PRR11: variants seen among roughly 807,000 people sequenced by gnomAD.
PRR11 encodes proline-rich protein 11.
In PRR11, 30 loss-of-function variants were observed where a neutral mutation model predicts 45.6. The ratio of observed to expected loss-of-function variants is 0.66; its 90% CI spans 0.49 to 0.89. The LOEUF is 0.89. Among genes scored for constraint, PRR11 ranks in the 40% least tolerant of loss-of-function variants. The pLI is 0.00. For synonymous variants in PRR11, 128 were observed against 153.5 expected (o/e 0.83, Z 1.23); for missense variants, 373 against 424.8 (o/e 0.88, Z 1.07).
chr17:59,180,288 G>A lies in PRR11; in HGVS notation c.129-4766G>A, dbSNP rs186619728. Among the ~76,000 whole-genome samples the A allele has an allele frequency of 2.0e-4, 30 of 149,066 alleles. No homozygotes were observed. The East Asian group carries it at 5.0e-3, about 25-fold the overall frequency. On this transcript the variant is annotated intron_variant, in intron 2 of 9. Transcript: ENST00000262293. Reference sequence around the variant, plus strand: ...TGGGATTACAGGTGCCCGTAATAACGCCCAGCTCATTTTTGTTCTTTTAGT... The same window carrying A: ...TGGGATTACAGGTGCCCGTAATAACACCCAGCTCATTTTTGTTCTTTTAGT...
At chr17:59,163,205 C>G (rs1012434219) in intron 1 of PRR11, among the ~76,000 whole-genome samples, 1 of 152,128 alleles carries the variant, frequency 6.6e-6, no homozygotes, top group Admixed American at 6.5e-5. Flanking sequence ...ATTCTCCTGC[C>G]TCAGCCTCCC....
chr17:59,206,054 A>C lies in PRR11; in HGVS notation c.*4423A>C, dbSNP rs2046916858. Reference sequence around the variant, plus strand: ...CAACAGAGTGAGACCTTGTCTCAAAAAAAAAAGAAAGAAAAAGAAAAATGC... The same window carrying C: ...CAACAGAGTGAGACCTTGTCTCAAACAAAAAAGAAAGAAAAAGAAAAATGC... On this transcript the variant is annotated 3_prime_UTR_variant, in exon 10 of 10. Transcript: ENST00000262293. Among the ~76,000 whole-genome samples, 3 of 151,986 alleles carry C rather than the reference A, an allele frequency of 2.0e-5. No individual in the cohort carries two copies. The highest frequency in any genetic ancestry group is 7.3e-5 in the African/African-American group (3 of 41,364).
At chr17:59,184,785 T>A (rs901037156) in intron 2 of PRR11, among the ~76,000 whole-genome samples, 7 of 151,944 alleles carry the variant, frequency 4.6e-5, no homozygotes, top group African/African-American at 1.7e-4. Flanking sequence ...AGCTCTGATT[T>A]AACCCATCTT....
chr17:59,175,469 T>G (rs1460764270), intron 2 of PRR11, among the ~76,000 whole-genome samples: 10 of 151,936 alleles, frequency 6.6e-5, no homozygotes, highest in Admixed American at 1.3e-4. Context: ...CTATAAAAAA[T>G]GTAAAAGACA....
chr17:59,195,000 C>G (rs1402108118), intron 6 of PRR11, 145 bp downstream of exon 6: 2 of 652,186 alleles, frequency 3.1e-6, no homozygotes, highest in Non-Finnish European at 5.3e-6. Context: ...ATGGCAAGAC[C>G]TCATCTCAAT....
At chr17:59,167,375 A>C (rs2046685150) in intron 1 of PRR11, among the ~76,000 whole-genome samples, 1 of 152,138 alleles carries the variant, frequency 6.6e-6, no homozygotes. Context: ...TAGTCATCCT[A>C]CAGTGCCATA....
At chr17:59,156,922 C>T (rs1599687019) in intron 1 of PRR11, among the ~76,000 whole-genome samples, 4 of 152,294 alleles carry the variant, frequency 2.6e-5, no homozygotes, top group Admixed American at 1.3e-4. Context: ...CCACCACGCT[C>T]GGCCGCAAAG....
intron 2 of PRR11, chr17:59,174,874 C>T (rs1186133348): frequency 8.3e-7 from 1 of 1,201,534 alleles, no homozygotes; most frequent in Non-Finnish European, 1.2e-6. Flanking sequence ...ATGGGGACTC[C>T]CCAGGATACC....
Position 59,204,389 on chromosome 17 carries a change from C to T in PRR11, c.*2758C>T, listed in dbSNP as rs915223732. ...CCATCCTGGGCAACAGAGCCAGACC[C>T]TGCCTCAAAAAAAAAAAAAAAAAAA... On this transcript the variant is annotated 3_prime_UTR_variant, in exon 10 of 10. Coordinates refer to ENST00000262293, the MANE Select transcript of PRR11 (RefSeq NM_018304.4). 1 of 123,314 alleles carries T rather than the reference C, an allele frequency of 8.1e-6. No individual in the cohort carries two copies. The highest frequency in any genetic ancestry group is 3.4e-5 in the African/African-American group (1 of 29,576). 7.6% of individuals were successfully genotyped at this position (123,314 alleles called of 1,614,324 possible).
At chr17:59,173,755 T>G (rs2046725906) in intron 2 of PRR11, among the ~76,000 whole-genome samples, 1 of 152,168 alleles carries the variant, frequency 6.6e-6, no homozygotes, top group South Asian at 2.1e-4. Flanking sequence ...CCCCCCTGGT[T>G]CTGGGAGGAC....
intron 2 of PRR11, among the ~76,000 whole-genome samples, chr17:59,170,735 T>TA (rs1425188252): frequency 6.6e-6 from 1 of 152,062 alleles, no homozygotes; most frequent in East Asian, 1.9e-4. Flanking sequence ...TTTTTCTACA[T>TA]AAAAAATAAT....
intron 2 of PRR11, 60 bp from the exon 3 acceptor site, chr17:59,184,994 G>A: frequency 6.6e-7 from 1 of 1,525,786 alleles, no homozygotes. Flanking sequence ...ACCACACCAG[G>A]CCAAGGCTAT....
At position 59,206,210 on chromosome 17, in the gene PRR11, C is replaced by G. The variant is rs1016259678; in HGVS notation, c.*4579C>G. On this transcript the variant is annotated 3_prime_UTR_variant, in exon 10 of 10. Transcript: ENST00000262293. ...TGCAAGACCCCAACTCTACAAAAAA[C>G]GAAAAATTAGCCGGGAGCGGTGATG... Among the ~76,000 whole-genome samples, 1 of 151,762 alleles carries G rather than the reference C, an allele frequency of 6.6e-6. No homozygotes were observed. The highest frequency in any genetic ancestry group is 2.4e-5 in the African/African-American group (1 of 41,324).
At chr17:59,177,211 A>G in intron 2 of PRR11, 2 of 548,464 alleles carry the variant, frequency 3.6e-6, no homozygotes, top group Non-Finnish European at 7.3e-6. Context: ...CCGGGAGAAG[A>G]GGCCGGCGCG....
chr17:59,163,231 C>G (rs576563599), intron 1 of PRR11, among the ~76,000 whole-genome samples: 1 of 152,128 alleles, frequency 6.6e-6, no homozygotes, highest in African/African-American at 2.4e-5. Context: ...GCTGGGACTA[C>G]AGCCACATGC....
intron 1 of PRR11, among the ~76,000 whole-genome samples, chr17:59,167,419 A>G (rs954236917): frequency 6.6e-6 from 1 of 152,190 alleles, no homozygotes. Flanking sequence ...ATCTAGCTGT[A>G]ATTATATTAC....
chr17:59,181,266 A>G (rs1477008526), intron 2 of PRR11, among the ~76,000 whole-genome samples: 8 of 151,592 alleles, frequency 5.3e-5, no homozygotes, highest in Non-Finnish European at 1.2e-4. Context: ...GGGATTACAG[A>G]CGTGAGCCAC....
chr17:59,198,192 G>A (rs549644322), intron 9 of PRR11, among the ~76,000 whole-genome samples: 7 of 152,178 alleles, frequency 4.6e-5, no homozygotes, highest in East Asian at 3.9e-4. Context: ...AAATGGTACC[G>A]TATTTTGCAA....
At chr17:59,181,721 A>G (rs2046787712) in intron 2 of PRR11, 27 of 1,554,400 alleles carry the variant, frequency 1.7e-5, no homozygotes, top group Middle Eastern at 2.3e-4. Flanking sequence ...AGGGACCTAC[A>G]TGGGAGGCTG....
Sources: gnomAD v4.1 joint callset for allele counts (sites outside exome capture counted in the v4.1 genomes callset) on GRCh38, gnomAD v4.1.1 for gene constraint, MANE v1.5 for transcripts, NCBI Gene and HGNC (gene_info 2026-07-23, HGNC 2026-07-21) for gene names.